The following CFAP46 variants were observed in gnomAD, a reference collection of about 807,000 sequenced individuals.
CFAP46 encodes the protein cilia- and flagella-associated protein 46.
In CFAP46, 245 loss-of-function variants were observed where a neutral mutation model predicts 325.7. That is an observed-to-expected ratio of 0.75 (90% confidence interval 0.68 to 0.84). The LOEUF is 0.84. Among genes scored for constraint, CFAP46 ranks in the 40% least tolerant of loss-of-function variants. The pLI is 0.00. For missense variants in CFAP46, 3,346 were observed against 3,543.0 expected (o/e 0.94, Z 1.41); for synonymous variants, 1,523 against 1,495.9 (o/e 1.02, Z -0.42).
At position 132,808,546 on chromosome 10, in the gene CFAP46, G is replaced by A. The variant is rs1847506315; in HGVS notation, c.8023C>T (p.Leu2675=). ...GAGACGCAGCTCCAGCCCCGACGCAGACCCCATGGCGCACACAGGCAGGCA... is the reference window on the plus strand; with the variant it reads ...GAGACGCAGCTCCAGCCCCGACGCAAACCCCATGGCGCACACAGGCAGGCA... The part of the protein sequence containing the change: ...SSACLCAPWG[L]RRGWSCVSSR... The change falls in exon 58 of 58, where the codon CTG becomes TTG. Residue 2675 remains leucine (L), a synonymous_variant. Coordinates refer to ENST00000368586, the MANE Select transcript of CFAP46 (RefSeq NM_001200049.3). This position sits in a 1 kb window ranked among gnomAD's most constrained non-coding sequence, Gnocchi z 6.8. 1.2e-6 allele frequency: 2 copies of A among 1,612,888 alleles called. No homozygotes were observed. The highest frequency in any genetic ancestry group is 3.3e-5 in the Admixed American group (2 of 60,002).
chr10:132,935,752 A>T (rs12411511), intron 7 of CFAP46, among the ~76,000 whole-genome samples: 7 of 89,360 alleles, frequency 7.8e-5, no homozygotes, highest in Admixed American at 1.3e-4. Flanking sequence ...ATCTCCTCAC[A>T]GCCCTCAGCA....
intron 38 of CFAP46, 81 bp downstream of exon 38, chr10:132,858,990 C>T: frequency 2.8e-6 from 4 of 1,442,620 alleles, no homozygotes; most frequent in Non-Finnish European, 3.7e-6. Context: ...TGAGCCAGGC[C>T]CAGAAGGCAG....
chr10:132,873,805 G>A (rs1394089716), intron 31 of CFAP46, among the ~76,000 whole-genome samples: 1 of 152,144 alleles, frequency 6.6e-6, no homozygotes, highest in African/African-American at 2.4e-5. Flanking sequence ...AGCGAGGGGT[G>A]ACAGGGCTCT....
At chr10:132,940,260 T>C (rs746493941) in intron 4 of CFAP46, among the ~76,000 whole-genome samples, 1 of 152,104 alleles carries the variant, frequency 6.6e-6, no homozygotes, top group Non-Finnish European at 1.5e-5. Context: ...TATTTAAATA[T>C]CCTCCAAACA....
At chr10:132,820,814 TGCTGATGTGTGCTGA>T (rs1847788218) in intron 50 of CFAP46, among the ~76,000 whole-genome samples, 1 of 140,732 alleles carries the variant, frequency 7.1e-6, no homozygotes, top group African/African-American at 2.7e-5. Context: ...GTGCTGTGTG[TGCTGATGTGTGCTGA>T]GTGCTGATGT....
At chr10:132,941,871 C>A in intron 2 of CFAP46, 109 bp downstream of exon 2, 7 of 1,506,120 alleles carry the variant, frequency 4.6e-6, no homozygotes, top group South Asian at 1.3e-5. Context: ...CTTGACTGCC[C>A]GGCCAGGAGC....
At chr10:132,812,732 G>A in intron 55 of CFAP46, 53 bp downstream of exon 55, 1 of 1,353,610 alleles carries the variant, frequency 7.4e-7, no homozygotes, top group Non-Finnish European at 1.0e-6. Flanking sequence ...CTGCCCTCAG[G>A]CGGGTTTGTC....
intron 50 of CFAP46, 97 bp from the exon 51 acceptor site, chr10:132,815,011 T>G: frequency 9.2e-7 from 1 of 1,092,670 alleles, no homozygotes; most frequent in Non-Finnish European, 1.4e-6. Flanking sequence ...CAAATTTCAC[T>G]TAAATGAAAA....
chr10:132,832,669 G>A lies in CFAP46; in HGVS notation c.7117+689C>T, dbSNP rs116536373. ...CGAAGTGCAGAAAACTGCACGTACC[G>A]CAAGGGTAGCGCTCGGGGAAGCTTC... On this transcript the variant is annotated intron_variant, in intron 50 of 57. Coordinates refer to ENST00000368586, the MANE Select transcript of CFAP46 (RefSeq NM_001200049.3). The surrounding 1 kb of genome is among the most constrained non-coding windows in gnomAD (Gnocchi z 4.1). The A allele has an allele frequency of 3.3e-3, 1,447 of 434,112 alleles. 18 individuals are homozygous for A. The highest frequency in any genetic ancestry group is 0.026 in the African/African-American group (1,266 of 49,206). 26.9% of individuals were successfully genotyped at this position (434,112 alleles called of 1,614,324 possible).
intron 50 of CFAP46, among the ~76,000 whole-genome samples, chr10:132,824,380 ATGTGTGCTG>A (rs1166305435): frequency 1.1e-5 from 1 of 93,208 alleles, no homozygotes; most frequent in African/African-American, 4.4e-5. Flanking sequence ...GTGAGTGCTG[ATGTGTGCTG>A]TGTGTGCTGA....
At chr10:132,893,974 TCAC>T (rs1371017235) in intron 24 of CFAP46, among the ~76,000 whole-genome samples, 1 of 151,926 alleles carries the variant, frequency 6.6e-6, no homozygotes, top group Non-Finnish European at 1.5e-5. Flanking sequence ...CCCTGTGGGT[TCAC>T]TGCTGGTAAC....
Position 132,808,656 on chromosome 10 carries a change from C to T in CFAP46, c.7913G>A (p.Gly2638Asp), listed in dbSNP as rs1449379298. 1 of 1,595,272 alleles carries T rather than the reference C, an allele frequency of 6.3e-7. No individual in the cohort carries two copies. The highest frequency in any genetic ancestry group is 8.5e-7 in the Non-Finnish European group (1 of 1,170,738). ...PSSQLALPFLGLSPALGAASA... is the reference protein window; with the variant it reads ...PSSQLALPFLDLSPALGAASA... ...GGCTGCACCAAGGGCTGGGGAGAGG[C>T]CCAGGAAGGGGAGAGCGAGCTGGGA... The change falls in exon 58 of 58, where the codon GGC becomes GAC. Residue 2638 changes from glycine (G) to aspartate (D), a missense_variant. By Grantham distance (94) the Gly-to-Asp change is moderately conservative. Coordinates refer to ENST00000368586, the MANE Select transcript of CFAP46 (RefSeq NM_001200049.3). The surrounding 1 kb of genome is among the most constrained non-coding windows in gnomAD (Gnocchi z 6.8).
At chr10:132,925,200 G>A (rs759016209) in intron 10 of CFAP46, among the ~76,000 whole-genome samples, 1 of 152,216 alleles carries the variant, frequency 6.6e-6, no homozygotes, top group Non-Finnish European at 1.5e-5. Flanking sequence ...TGCTCGCTAC[G>A]CTTCCCACCC....
intron 2 of CFAP46, 60 bp from the exon 3 acceptor site, chr10:132,941,782 A>G: frequency 6.2e-7 from 1 of 1,607,470 alleles, no homozygotes; most frequent in African/African-American, 1.3e-5. Context: ...CCCTGCCCAG[A>G]AGCACCACGG....
intron 55 of CFAP46, among the ~76,000 whole-genome samples, chr10:132,812,214 G>A (rs964775978): frequency 3.9e-5 from 6 of 152,196 alleles, no homozygotes; most frequent in Admixed American, 2.0e-4. Flanking sequence ...GTACCCCTAC[G>A]TGTGTGCTGT....
chr10:132,860,326 A>T (rs557672116), intron 37 of CFAP46, 91 bp downstream of exon 37: 7 of 940,584 alleles, frequency 7.4e-6, no homozygotes, highest in East Asian at 2.6e-5. Flanking sequence ...CTGAACTTGC[A>T]TAGACTTGAC....
chr10:132,913,599 C>G (rs534785340), intron 17 of CFAP46, among the ~76,000 whole-genome samples: 1 of 152,338 alleles, frequency 6.6e-6, no homozygotes, highest in South Asian at 2.1e-4. Flanking sequence ...CCAGCCTCCA[C>G]CCAGCCAGTC....
chr10:132,941,863 T>C (rs1850108268), intron 2 of CFAP46, 117 bp downstream of exon 2: 3 of 1,510,458 alleles, frequency 2.0e-6, no homozygotes, highest in Non-Finnish European at 2.7e-6. Context: ...CCTGGCCCCT[T>C]GACTGCCCGG....
At chr10:132,894,852 G>A (rs1404365191) in intron 24 of CFAP46, among the ~76,000 whole-genome samples, 2 of 152,060 alleles carry the variant, frequency 1.3e-5, no homozygotes, top group Non-Finnish European at 2.9e-5. Context: ...TGGACTATAT[G>A]GCTTCATCAG....
Sources: allele counts gnomAD v4.1 joint callset (sites outside exome capture counted in the v4.1 genomes callset), GRCh38; gene constraint gnomAD v4.1.1; non-coding constraint Gnocchi (gnomAD v3.1); transcripts MANE v1.5; gene names NCBI Gene and HGNC (gene_info 2026-07-23, HGNC 2026-07-21).